The following NTNG2 variants were observed in gnomAD, a reference collection of about 807,000 sequenced individuals.
NTNG2 encodes netrin-G2.
Under a neutral mutation model 47.6 loss-of-function variants are expected in NTNG2, and 15 were observed. The observed-to-expected ratio is 0.32, with a 90% CI of 0.21 to 0.49. The LOEUF is 0.49. Among genes scored for constraint, NTNG2 ranks in the 20% least tolerant of loss-of-function variants. The pLI is 0.99. For missense variants in NTNG2, 578 were observed against 764.6 expected, an observed-to-expected ratio of 0.76 and a Z score of 2.88; for synonymous variants, 307 against 324.6, an observed-to-expected ratio of 0.95 and a Z score of 0.58.
intron 5 of NTNG2, among the ~76,000 whole-genome samples, chr9:132,237,287 T>A (rs113904636): frequency 0.011 from 1,690 of 152,232 alleles, 29 homozygotes; most frequent in African/African-American, 0.038. Flanking sequence ...GGCCTCTCCC[T>A]CCCTCACATC....
chr9:132,235,780 G>A (rs1030015616), intron 5 of NTNG2, among the ~76,000 whole-genome samples: 3 of 152,196 alleles, frequency 2.0e-5, no homozygotes, highest in East Asian at 1.9e-4. Context: ...TCTTAGACTC[G>A]TAGGCCCCTC....
At chr9:132,223,906 C>A (rs1840536360) in intron 3 of NTNG2, among the ~76,000 whole-genome samples, 1 of 152,008 alleles carries the variant, frequency 6.6e-6, no homozygotes, top group Admixed American at 6.5e-5. Flanking sequence ...CCTGGTCTGG[C>A]CTCCTCCACC....
chr9:132,169,880 C>T (rs570364738), intron 2 of NTNG2, among the ~76,000 whole-genome samples: 12 of 152,316 alleles, frequency 7.9e-5, no homozygotes, highest in African/African-American at 2.2e-4. Context: ...GCCTTGGGGA[C>T]GCCACGCCTT....
chr9:132,198,367 C>G lies in NTNG2; in HGVS notation c.615C>G (p.Ser205=), dbSNP rs368226145. 1.5e-4 allele frequency: 234 copies of G among 1,612,864 alleles called. No homozygotes were observed. The highest frequency in any genetic ancestry group is 1.9e-4 in the Non-Finnish European group (220 of 1,179,966). The change falls in exon 3 of 8, where the codon TCC becomes TCG. Residue 205 remains serine (S), a synonymous_variant. Coordinates refer to ENST00000393229, the MANE Select transcript of NTNG2 (RefSeq NM_032536.4). ...AGGAGTACTCGCGCTGGGCAGGCTC[C>G]AAGAAGGAGAAGCACGTGCGCTTCG... ...CTEEYSRWAG[S]KKEKHVRFEV... is the part of the protein sequence containing the mutation.
intron 5 of NTNG2, chr9:132,233,295 A>ACATG (rs1841373241): frequency 6.6e-6 from 1 of 152,178 alleles, no homozygotes; most frequent in Non-Finnish European, 1.5e-5. Flanking sequence ...GCACACACAC[A>ACATG]CATGCATGCA....
At chr9:132,204,652 A>G (rs1839030996) in intron 3 of NTNG2, among the ~76,000 whole-genome samples, 1 of 152,214 alleles carries the variant, frequency 6.6e-6, no homozygotes, top group South Asian at 2.1e-4. Context: ...ATTAACTGTC[A>G]TTCACTGAGA....
At chr9:132,203,766 G>A (rs181068191) in intron 3 of NTNG2, among the ~76,000 whole-genome samples, 19 of 152,298 alleles carry the variant, frequency 1.2e-4, no homozygotes, top group Admixed American at 1.2e-3. Flanking sequence ...GGGCAAGATA[G>A]CAAAACAGCC....
At chr9:132,172,677 G>C (rs1263053305) in intron 2 of NTNG2, among the ~76,000 whole-genome samples, 6 of 150,938 alleles carry the variant, frequency 4.0e-5, no homozygotes. Flanking sequence ...AGGAAGCATG[G>C]TGTGATCCAG....
chr9:132,238,793 G>A (rs149331952), intron 5 of NTNG2, among the ~76,000 whole-genome samples: 5 of 152,350 alleles, frequency 3.3e-5, no homozygotes, highest in Admixed American at 1.3e-4. Context: ...TTCAGCGAGC[G>A]CTTGGCCCTG....
Position 132,241,691 on chromosome 9 carries a change from C to T in NTNG2, c.1358-185C>T, listed in dbSNP as rs1473919585. Among the ~76,000 whole-genome samples, 4 of 152,144 alleles carry T rather than the reference C, an allele frequency of 2.6e-5. No homozygotes were observed. In the East Asian group the frequency reaches 7.7e-4, roughly 29 times the overall value. ...GGCAGCGGTGGGAGGCAGCCGGGGG[C>T]CAGATCTCGCCCGGGCGCCGTCACC... is the stretch of plus-strand genomic sequence containing the variant. On this transcript the variant is annotated intron_variant, in intron 7 of 7. Transcript: ENST00000393229.
intron 4 of NTNG2, among the ~76,000 whole-genome samples, chr9:132,228,246 C>A (rs772548666): frequency 3.3e-5 from 5 of 152,226 alleles, no homozygotes; most frequent in Non-Finnish European, 2.9e-5. Context: ...GAGGCCATGA[C>A]AGGCATGTCA....
chr9:132,243,522 CT>C lies in NTNG2; in HGVS notation c.*1412del, dbSNP rs1211071610. 5 of 152,428 alleles carry C rather than the reference CT, an allele frequency of 3.3e-5. No individual in the cohort carries two copies. The highest frequency in any genetic ancestry group is 5.9e-5 in the Non-Finnish European group (4 of 68,234). 9.4% of individuals were successfully genotyped at this position (152,428 alleles called of 1,614,324 possible). A position where few individuals can be genotyped will look rare whatever the true frequency, so the allele number is the denominator to read the frequency against. ...CCATCTCCGCTTGGTGTCTCCAGCCCTGGGGCCACACTTCCCCCTCGGTCCA... is the reference window on the plus strand; with the variant it reads ...CCATCTCCGCTTGGTGTCTCCAGCCCGGGGCCACACTTCCCCCTCGGTCCA... On this transcript the variant is annotated 3_prime_UTR_variant, in exon 8 of 8. Coordinates refer to ENST00000393229, the MANE Select transcript of NTNG2 (RefSeq NM_032536.4).
rs1166568366 is a variant in NTNG2, at chr9:132,226,798, C to A, written c.858-51C>A. 1 of 1,482,068 alleles carries A rather than the reference C, an allele frequency of 6.7e-7. No homozygotes were observed. Among genetic ancestry groups the A allele is most frequent in the South Asian group, 1.3e-5 (1 of 76,156 alleles). 91.8% of individuals were successfully genotyped at this position (1,482,068 alleles called of 1,614,324 possible). A position where few individuals can be genotyped will look rare whatever the true frequency, so the allele number is the denominator to read the frequency against. On this transcript the variant is annotated intron_variant, in intron 3 of 7. Transcript: ENST00000393229. The surrounding 1 kb of genome is among the most constrained non-coding windows in gnomAD (Gnocchi z 4.8). ...GCGCTCCTTTCCCCAGAGGCCAGGC[C>A]AGGCTGCCCACAAGCTCTCTGACAT...
rs1336624567 is a variant in NTNG2 at position 132,244,458 on chromosome 9, G to C, written c.*2347G>C. 2.0e-5 allele frequency: 3 copies of C among 152,274 alleles called. No individual in the cohort carries two copies. The allele number at this position is 152,274 out of a possible 1,614,324, so 9.4% of individuals were successfully genotyped here. A position where few individuals can be genotyped will look rare whatever the true frequency, so the allele number is the denominator to read the frequency against. The stretch of plus-strand genomic sequence containing the variant: ...GCCTCCCGAAGTGCTGAGATTACAG[G>C]CATGAGCCACCGCACCACCTGCCTG... On this transcript the variant is annotated 3_prime_UTR_variant, in exon 8 of 8. Transcript: ENST00000393229.
chr9:132,224,808 C>G (rs920636819), intron 3 of NTNG2, among the ~76,000 whole-genome samples: 2 of 152,186 alleles, frequency 1.3e-5, no homozygotes, highest in African/African-American at 4.8e-5. Context: ...CATGATGAAC[C>G]TCTGTGTACC....
intron 3 of NTNG2, among the ~76,000 whole-genome samples, chr9:132,207,805 G>A (rs999579780): frequency 1.3e-5 from 2 of 152,208 alleles, no homozygotes; most frequent in African/African-American, 4.8e-5. Context: ...TGCACGGTGA[G>A]AAAGAAACCA....
At chr9:132,222,038 T>C (rs566122899) in intron 3 of NTNG2, among the ~76,000 whole-genome samples, 49 of 152,282 alleles carry the variant, frequency 3.2e-4, no homozygotes, top group Middle Eastern at 3.4e-3. Context: ...GGGTGTTAGA[T>C]AGGAATTCAG....
chr9:132,241,427 C>T, intron 7 of NTNG2: 1 of 344,838 alleles, frequency 2.9e-6, no homozygotes, highest in South Asian at 3.7e-5. Context: ...GAGCTCGGGG[C>T]GGGGCCTGAT....
At chr9:132,187,559 G>T (rs984131146) in intron 2 of NTNG2, among the ~76,000 whole-genome samples, 2 of 132,100 alleles carry the variant, frequency 1.5e-5, no homozygotes, top group Non-Finnish European at 3.2e-5. Context: ...CACAGAGAGC[G>T]AGAGGGAGCA....
Sources: allele counts gnomAD v4.1 joint callset (sites outside exome capture counted in the v4.1 genomes callset), GRCh38; gene constraint gnomAD v4.1.1; non-coding constraint Gnocchi (gnomAD v3.1); transcripts MANE v1.5; gene names NCBI Gene and HGNC (gene_info 2026-07-23, HGNC 2026-07-21).